Variants in FSTL4 observed in about 807,000 individuals in gnomAD.
FSTL4 encodes follistatin-related protein 4.
Under a neutral mutation model 78.2 loss-of-function variants are expected in FSTL4, and 28 were observed. The observed-to-expected ratio is 0.36, with a 90% confidence interval of 0.27 to 0.49. The LOEUF (loss-of-function observed/expected upper bound fraction) is 0.49. Ranked by LOEUF, FSTL4 falls within the 20% of genes least tolerant of loss-of-function variation. The pLI, the probability that FSTL4 is intolerant of heterozygous loss-of-function variation, is 0.98. For missense variants in FSTL4, 922 were observed against 1,084.9 expected (o/e 0.85, Z 2.11); for synonymous variants, 422 against 440.5 (o/e 0.96, Z 0.53).
intron 5 of FSTL4, 21 bp from the exon 6 acceptor site, chr5:133,312,798 C>G (rs370478108): frequency 1.9e-6 from 3 of 1,613,548 alleles, no homozygotes; most frequent in Non-Finnish European, 2.5e-6. Context: ...AGGAGGAGAA[C>G]AAGGCCAGAA....
chr5:133,823,687 C>G, the FSTL4 span, among the ~76,000 whole-genome samples: 1 of 152,184 alleles, frequency 6.6e-6, no homozygotes, highest in African/African-American at 2.4e-5. Flanking sequence ...GACACATGGA[C>G]CAGTCCACTC....
At chr5:133,261,153 G>A (rs747065843) in intron 6 of FSTL4, among the ~76,000 whole-genome samples, 4 of 152,140 alleles carry the variant, frequency 2.6e-5, no homozygotes, top group Non-Finnish European at 5.9e-5. Flanking sequence ...TGGCTAATTC[G>A]GAAATTCTAT....
intron 3 of FSTL4, among the ~76,000 whole-genome samples, chr5:133,546,568 T>C (rs1759578674): frequency 6.8e-6 from 1 of 146,652 alleles, no homozygotes; most frequent in Non-Finnish European, 1.5e-5. Flanking sequence ...AAACCAAAGA[T>C]GTGGTCCAGC....
At chr5:133,493,043 C>G (rs1402050032) in intron 3 of FSTL4, among the ~76,000 whole-genome samples, 1 of 151,990 alleles carries the variant, frequency 6.6e-6, no homozygotes, top group Non-Finnish European at 1.5e-5. Context: ...AGAAATTCTA[C>G]TTTTCCAAAT....
chr5:133,549,878 T>C (rs1759657764), intron 3 of FSTL4, among the ~76,000 whole-genome samples: 1 of 152,176 alleles, frequency 6.6e-6, no homozygotes, highest in South Asian at 2.1e-4. Flanking sequence ...TCTTCACACA[T>C]CCTTGAGAGA....
chr5:133,645,673 C>T, the FSTL4 span, among the ~76,000 whole-genome samples: 1 of 152,068 alleles, frequency 6.6e-6, no homozygotes, highest in Admixed American at 6.5e-5. Context: ...CCTGAATTAC[C>T]TAGGCAGACC....
chr5:133,511,333 C>T (rs1364892410), intron 3 of FSTL4, among the ~76,000 whole-genome samples: 2 of 152,224 alleles, frequency 1.3e-5, no homozygotes, highest in African/African-American at 4.8e-5. Context: ...AAGAACCAGG[C>T]TTCTGGATTT....
chr5:133,725,927 G>C, the FSTL4 span, among the ~76,000 whole-genome samples: 1 of 152,158 alleles, frequency 6.6e-6, no homozygotes, highest in Admixed American at 6.5e-5. Flanking sequence ...TGTCATTCTT[G>C]AGTTAAAGCG....
At chr5:133,724,428 C>T in the FSTL4 span, among the ~76,000 whole-genome samples, 4,811 of 148,836 alleles carry the variant, frequency 0.032, 263 homozygotes, top group African/African-American at 0.11. Context: ...TTGCTGTTCT[C>T]CAGAGCTCTC....
chr5:133,601,645 TTTTC>T (rs144806053), intron 2 of FSTL4, among the ~76,000 whole-genome samples: 16,661 of 151,314 alleles, frequency 0.11, 1,163 homozygotes, highest in African/African-American at 0.2. Context: ...CTGCTCTCTG[TTTTC>T]TTTTTTTTCC....
At chr5:133,755,058 A>T in the FSTL4 span, among the ~76,000 whole-genome samples, 1 of 151,414 alleles carries the variant, frequency 6.6e-6, no homozygotes, top group East Asian at 1.9e-4. Flanking sequence ...GCCAGACCTC[A>T]CCCTTCCTCA....
intron 2 of FSTL4, among the ~76,000 whole-genome samples, chr5:133,589,187 G>T (rs1320822130): frequency 3.1e-5 from 2 of 64,888 alleles, no homozygotes; most frequent in African/African-American, 1.0e-4. Flanking sequence ...CCTAATGCTA[G>T]ATGACACGTT....
chr5:133,427,020 T>C (rs1034512331), intron 3 of FSTL4, among the ~76,000 whole-genome samples: 1 of 152,184 alleles, frequency 6.6e-6, no homozygotes, highest in Non-Finnish European at 1.5e-5. Flanking sequence ...TTCCTCACAG[T>C]ACTCTTCCAT....
intron 3 of FSTL4, among the ~76,000 whole-genome samples, chr5:133,459,648 A>G (rs1042134884): frequency 1.2e-4 from 18 of 152,352 alleles, no homozygotes; most frequent in African/African-American, 4.3e-4. Context: ...CTTGTCCTCC[A>G]GCAGTTTGTA....
intron 3 of FSTL4, among the ~76,000 whole-genome samples, chr5:133,469,082 GCA>G (rs1439686372): frequency 3.3e-5 from 5 of 152,224 alleles, no homozygotes; most frequent in Non-Finnish European, 5.9e-5. Context: ...CTGAACAAAT[GCA>G]CAGACATGTG....
intron 4 of FSTL4, among the ~76,000 whole-genome samples, chr5:133,395,970 C>T (rs1756032686): frequency 6.6e-6 from 1 of 152,154 alleles, no homozygotes; most frequent in Non-Finnish European, 1.5e-5. Context: ...GCTAGATGAA[C>T]TTGGGTGGCT....
chr5:133,800,577 C>T, the FSTL4 span, among the ~76,000 whole-genome samples: 3 of 138,562 alleles, frequency 2.2e-5, 1 homozygote, highest in Admixed American at 2.2e-4. Context: ...TTCCTCCTCC[C>T]ACTGCCCTGC....
rs71581365 is a variant in FSTL4 at position 133,546,505 on chromosome 5, C to CA, written c.160+20680dup. On this transcript the variant is annotated intron_variant, in intron 3 of 15. Coordinates refer to ENST00000265342, the MANE Select transcript of FSTL4 (RefSeq NM_015082.2). ...TGGCTGACAGAGCGAGACTTTGTCTCAAAAAAAAAAAAAAAAAAAAAAAAA... is the reference window on the plus strand; with the variant it reads ...TGGCTGACAGAGCGAGACTTTGTCTCAAAAAAAAAAAAAAAAAAAAAAAAAA... Among the ~76,000 whole-genome samples, 665 of 75,338 alleles carry CA rather than the reference C, an allele frequency of 8.8e-3. 48 individuals are homozygous for CA. Among genetic ancestry groups the CA allele is most frequent in the East Asian group, 0.05 (109 of 2,164 alleles). 49.4% of individuals were successfully genotyped at this position (75,338 alleles called of 152,430 possible).
intron 14 of FSTL4, among the ~76,000 whole-genome samples, chr5:133,203,830 G>T (rs4441915): frequency 0.26 from 39,312 of 152,082 alleles, 5,683 homozygotes; most frequent in East Asian, 0.43. Flanking sequence ...TGACACCCTA[G>T]ATTCAGAGGT....
Sources: gnomAD v4.1 joint callset for allele counts (sites outside exome capture counted in the v4.1 genomes callset) on GRCh38, gnomAD v4.1.1 for gene constraint, MANE v1.5 for transcripts, NCBI Gene and HGNC (gene_info 2026-07-23, HGNC 2026-07-21) for gene names.